Variants in EPCAM observed in about 807,000 individuals in gnomAD.
EPCAM encodes epithelial cell adhesion molecule, also known as adenocarcinoma-associated antigen.
A neutral mutation model predicts 40.0 loss-of-function variants in EPCAM; 39 were observed. The observed-to-expected ratio is 0.98, with a 90% confidence interval of 0.76 to 1.27. The LOEUF (loss-of-function observed/expected upper bound fraction) is 1.27, where lower values mean the gene tolerates loss of function less well. EPCAM is among the 50% of genes most tolerant of loss of function. The pLI is 0.00. For missense variants in EPCAM, 503 were observed against 381.2 expected, an observed-to-expected ratio of 1.32 and a Z score of -2.66; for synonymous variants, 168 against 132.3, an observed-to-expected ratio of 1.27 and a Z score of -1.85.
At chr2:47,373,242 T>C (rs1212749990) in intron 1 of EPCAM, among the ~76,000 whole-genome samples, 2 of 120,142 alleles carry the variant, frequency 1.7e-5, no homozygotes, top group African/African-American at 6.2e-5. Flanking sequence ...AAAACAGGAA[T>C]GCATGCAGAT....
At position 47,373,493 on chromosome 2, in the gene EPCAM, TA is replaced by T; in HGVS notation, c.110del (p.Asn37ThrfsTer4). ...ECVCENYKLA[V>X]NCFVNNNRQC... Reference sequence around the variant, plus strand: ...GTCTGTGAAAACTACAAGCTGGCCGTAAACTGCTTTGTGAATAATAATCGTC... The same window carrying T: ...GTCTGTGAAAACTACAAGCTGGCCGTAACTGCTTTGTGAATAATAATCGTC... On this transcript the variant is annotated frameshift_variant, in exon 2 of 9. Coordinates refer to ENST00000263735, the MANE Select transcript of EPCAM (RefSeq NM_002354.3). LOFTEE classifies it high-confidence loss of function. 1 of 1,613,536 alleles carries T rather than the reference TA, an allele frequency of 6.2e-7. No individual in the cohort carries two copies.
At chr2:47,374,410 C>T (rs1364364925) in intron 3 of EPCAM, among the ~76,000 whole-genome samples, 1 of 151,824 alleles carries the variant, frequency 6.6e-6, no homozygotes, top group African/African-American at 2.4e-5. Flanking sequence ...TATGTATTTG[C>T]TTATTGATTG....
chr2:47,384,269 A>C (rs149784798), intron 7 of EPCAM, among the ~76,000 whole-genome samples: 5,096 of 151,342 alleles, frequency 0.034, 290 homozygotes, highest in African/African-American at 0.12. Context: ...ACGCCTGGCT[A>C]ATTTTTGTAT....
intron 7 of EPCAM, among the ~76,000 whole-genome samples, chr2:47,383,801 A>AT (rs1671664330): frequency 1.3e-5 from 2 of 148,948 alleles, no homozygotes; most frequent in South Asian, 4.3e-4. Context: ...TACCTGGCTA[A>AT]TTTTTTTGTA....
At chr2:47,381,410 AAAG>A (rs1191138376) in intron 7 of EPCAM, among the ~76,000 whole-genome samples, 33 of 151,146 alleles carry the variant, frequency 2.2e-4, no homozygotes, top group East Asian at 1.2e-3. Flanking sequence ...AAAAAAAAAA[AAAG>A]AAATCTTACT....
rs374563131 is a variant in EPCAM at position 47,369,511 on chromosome 2, G to T, written c.6G>T (p.Ala2=). Residue 2 remains alanine (A), a synonymous_variant, in exon 1 of 9, where the codon GCG becomes GCT. Coordinates refer to ENST00000263735, the MANE Select transcript of EPCAM (RefSeq NM_002354.3). M[A]PPQVLAFGLL... ...CTTCTCGGCGCGCGCGCAGCATGGC[G>T]CCCCCGCAGGTCCTCGCGTTCGGGC... is the stretch of plus-strand genomic sequence containing the variant. The T allele has an allele frequency of 1.9e-5, 30 of 1,553,906 alleles. No homozygotes were observed. In the African/African-American group the frequency reaches 2.2e-4, roughly 11 times the overall value.
In EPCAM at chr2:47,369,638, C is replaced by A. The variant is rs746808024; in HGVS notation, c.76+57C>A. 16 of 1,509,404 alleles carry A rather than the reference C, an allele frequency of 1.1e-5. No individual in the cohort carries two copies. The South Asian group carries it at 1.8e-4, about 17-fold the overall frequency. 93.5% of individuals were successfully genotyped at this position (1,509,404 alleles called of 1,614,324 possible). On this transcript the variant is annotated intron_variant, in intron 1 of 8. Coordinates refer to ENST00000263735, the MANE Select transcript of EPCAM (RefSeq NM_002354.3). ...CTGGGCTGGGCTGGGGGGCAGCGGC[C>A]CCCGGCCCTCGGCCCCCGAAACGGG...
chr2:47,378,923 TA>T, intron 5 of EPCAM, 29 bp from the exon 6 acceptor site: 1 of 912,290 alleles, frequency 1.1e-6, no homozygotes, highest in Admixed American at 1.7e-5. Flanking sequence ...ATATTAGTAT[TA>T]ATTTGTATTA....
intron 4 of EPCAM, among the ~76,000 whole-genome samples, 162 bp downstream of exon 4, chr2:47,375,461 C>T (rs1204024630): frequency 6.6e-6 from 1 of 152,316 alleles, no homozygotes; most frequent in South Asian, 2.1e-4. Context: ...TGGGAATACA[C>T]TTCACTCAGA....
chr2:47,370,984 A>C (rs922239212), intron 1 of EPCAM, among the ~76,000 whole-genome samples: 4 of 152,074 alleles, frequency 2.6e-5, no homozygotes, highest in African/African-American at 4.8e-5. Flanking sequence ...AAGTGCTGGG[A>C]TTACAGACGT....
chr2:47,372,503 G>T (rs1204328969), intron 1 of EPCAM, among the ~76,000 whole-genome samples: 3 of 152,114 alleles, frequency 2.0e-5, no homozygotes, highest in Non-Finnish European at 1.5e-5. Flanking sequence ...GCCGGGCGCG[G>T]TGGCTGACAC....
In EPCAM at chr2:47,377,011, C is replaced by T. The variant is rs1463136755; in HGVS notation, c.492-3C>T. On this transcript the variant is annotated splice_region_variant and splice_polypyrimidine_tract_variant and intron_variant, in intron 4 of 8. Coordinates refer to ENST00000263735, the MANE Select transcript of EPCAM (RefSeq NM_002354.3). The stretch of plus-strand genomic sequence containing the variant: ...TTTAATACAGATTTTAAATTCTTTA[C>T]AGTGCACTTCAGAAGGAGATCACAA... The T allele has an allele frequency of 2.5e-6, 4 of 1,592,748 alleles. No individual in the cohort carries two copies. The East Asian group carries it at 8.9e-5, about 36-fold the overall frequency.
In EPCAM at chr2:47,374,069, T is replaced by C. The variant is rs765777722; in HGVS notation, c.425+21T>C. 6.8e-6 allele frequency: 11 copies of C among 1,613,586 alleles called. No homozygotes were observed. In the African/African-American group the frequency reaches 1.3e-4, roughly 20 times the overall value. ...ACCTAGTGAGTGGGGCTGCCTATAC[T>C]ACTTGTTTTCATGCTGTTCAGATTC... On this transcript the variant is annotated intron_variant, in intron 3 of 8. Coordinates refer to ENST00000263735, the MANE Select transcript of EPCAM (RefSeq NM_002354.3).
rs773185578 is a variant in EPCAM, at chr2:47,379,865, G to C, written c.754G>C (p.Val252Leu). Residue 252 changes from valine to leucine, a missense_variant, in exon 7 of 9, where the codon GTT becomes CTT. Val to Leu is a conservative substitution (Grantham distance 32). Coordinates refer to ENST00000263735, the MANE Select transcript of EPCAM (RefSeq NM_002354.3). The part of the protein sequence containing the change: ...LDPGQTLIYY[V>L]DEKAPEFSMQ... ...TCCTGGTCAAACTTTAATTTATTAT[G>C]TTGATGAAAAAGCACCTGAATTCTC... is the stretch of plus-strand genomic sequence containing the variant. The C allele has an allele frequency of 1.9e-6, 3 of 1,614,160 alleles. No homozygotes were observed. Among genetic ancestry groups the C allele is most frequent in the Non-Finnish European group, 2.5e-6 (3 of 1,180,026 alleles).
Position 47,375,280 on chromosome 2 carries a change from G to T in EPCAM, c.472G>T (p.Asp158Tyr), listed in dbSNP as rs2103750139. Reference protein sequence around the residue: ...LKHKAREKPYDSKSLRTALQK... With the variant: ...LKHKAREKPYYSKSLRTALQK... ...ACACAAAGCAAGAGAAAAACCTTAT[G>T]ATAGTAAAAGTTTGCGGACGTAAGT... Residue 158 changes from aspartate (D) to tyrosine (Y), a missense_variant, in exon 4 of 9, where the codon GAT becomes TAT. By Grantham distance (160) the Asp-to-Tyr change is radical (BLOSUM62 -3). Transcript: ENST00000263735. The T allele has an allele frequency of 6.2e-7, 1 of 1,612,194 alleles. No individual in the cohort carries two copies. Among genetic ancestry groups the T allele is most frequent in the Non-Finnish European group, 8.5e-7 (1 of 1,178,378 alleles).
At chr2:47,371,336 C>T (rs571980867) in intron 1 of EPCAM, among the ~76,000 whole-genome samples, 104 of 151,650 alleles carry the variant, frequency 6.9e-4, no homozygotes, top group African/African-American at 2.4e-3. Context: ...TTACATGTCA[C>T]TGCGTCCTCC....
Position 47,386,557 on chromosome 2 carries a change from T to C in EPCAM, c.904-15T>C, listed in dbSNP as rs1239771374. 2.5e-6 allele frequency: 4 copies of C among 1,590,694 alleles called. No individual in the cohort carries two copies. The highest frequency in any genetic ancestry group is 2.6e-6 in the Non-Finnish European group (3 of 1,163,334). On this transcript the variant is annotated splice_polypyrimidine_tract_variant and intron_variant, in intron 8 of 8. Coordinates refer to ENST00000263735, the MANE Select transcript of EPCAM (RefSeq NM_002354.3). ...AATTATTTAGAATTTTTTTCTGTGC[T>C]TTTTCCTGTTTCAGATAAAGGAGAT...
chr2:47,373,557 C>A lies in EPCAM; in HGVS notation c.171C>A (p.Val57=), dbSNP rs369992289. 56 of 1,610,532 alleles carry A rather than the reference C, an allele frequency of 3.5e-5. No individual in the cohort carries two copies. Among genetic ancestry groups the A allele is most frequent in the Non-Finnish European group, 4.4e-5 (52 of 1,177,038 alleles). Residue 57 remains valine (V), a synonymous_variant, in exon 2 of 9, where the codon GTC becomes GTA. Coordinates refer to ENST00000263735, the MANE Select transcript of EPCAM (RefSeq NM_002354.3). ...CTTCAGTTGGTGCACAAAATACTGT[C>A]ATTTGCTCAAAGCGTGAGTAAAATA... ...QCTSVGAQNT[V]ICSKLAAKCL...
chr2:47,374,946 C>T (rs984005439), intron 3 of EPCAM, among the ~76,000 whole-genome samples: 1 of 152,110 alleles, frequency 6.6e-6, no homozygotes, highest in African/African-American at 2.4e-5. Context: ...CCTTTCATGC[C>T]TTTTCATCTT....
Sources: allele counts gnomAD v4.1 joint callset (sites outside exome capture counted in the v4.1 genomes callset), GRCh38; gene constraint gnomAD v4.1.1; transcripts MANE v1.5; gene names NCBI Gene and HGNC (gene_info 2026-07-23, HGNC 2026-07-21).